The following MARCHF8 variants were observed in gnomAD, a reference collection of about 807,000 sequenced individuals.
MARCHF8 encodes membrane associated ring-CH-type finger 8, also known as E3 ubiquitin-protein ligase MARCHF8.
MARCHF8 carries 40 observed loss-of-function variants against 51.6 expected under a neutral mutation model. The observed-to-expected ratio is 0.77, with a 90% CI of 0.60 to 1.01. The LOEUF (loss-of-function observed/expected upper bound fraction) is 1.01, where lower values mean the gene tolerates loss of function less well. MARCHF8 is among the 50% of genes least tolerant of loss of function. MARCHF8 has a pLI of 0.00. For synonymous variants in MARCHF8, 263 were observed against 280.3 expected (o/e 0.94, Z 0.62); for missense variants, 685 against 708.6 (o/e 0.97, Z 0.38).
chr10:45,471,525 C>G (rs1204290974), intron 3 of MARCHF8, among the ~76,000 whole-genome samples: 8 of 152,218 alleles, frequency 5.3e-5, no homozygotes, highest in Non-Finnish European at 8.8e-5. Flanking sequence ...TTACTTATCA[C>G]TCACAAGGAC....
chr10:45,493,806 G>C (rs35303148), intron 2 of MARCHF8, among the ~76,000 whole-genome samples: 9,359 of 152,114 alleles, frequency 0.062, 328 homozygotes, highest in Non-Finnish European at 0.066. Context: ...ACAGGGTTTT[G>C]CCATGTTGTC....
At chr10:45,465,387 C>A (rs905066526) in intron 3 of MARCHF8, among the ~76,000 whole-genome samples, 1 of 152,210 alleles carries the variant, frequency 6.6e-6, no homozygotes, top group Non-Finnish European at 1.5e-5. Flanking sequence ...TGGCCCTTGG[C>A]CCTAACTCCT....
chr10:45,584,949 A>C (rs996742726), intron 1 of MARCHF8, among the ~76,000 whole-genome samples: 4 of 152,216 alleles, frequency 2.6e-5, no homozygotes, highest in Non-Finnish European at 4.4e-5. Context: ...CAACCATATG[A>C]ACTGAATTCT....
chr10:45,504,275 G>A (rs1007718131), intron 2 of MARCHF8, among the ~76,000 whole-genome samples: 3 of 152,112 alleles, frequency 2.0e-5, no homozygotes, highest in Non-Finnish European at 2.9e-5. Flanking sequence ...TAGAAACCCC[G>A]TCTCTACTAA....
intron 5 of MARCHF8, 28 bp downstream of exon 5, chr10:45,463,123 C>T (rs1485817404): frequency 2.0e-6 from 3 of 1,535,862 alleles, no homozygotes; most frequent in Non-Finnish European, 2.6e-6. Context: ...GCAGAGATGG[C>T]TAGAATGGCA....
intron 3 of MARCHF8, among the ~76,000 whole-genome samples, chr10:45,469,166 A>G (rs1301386969): frequency 6.6e-6 from 1 of 152,052 alleles, no homozygotes; most frequent in Non-Finnish European, 1.5e-5. Context: ...AAGTGAAACA[A>G]GCAGAGAGAG....
intron 3 of MARCHF8, among the ~76,000 whole-genome samples, chr10:45,474,741 A>T (rs1490738227): frequency 6.6e-6 from 1 of 152,182 alleles, no homozygotes; most frequent in African/African-American, 2.4e-5. Flanking sequence ...CAGAGAAGTG[A>T]CAGAAAACAC....
intron 1 of MARCHF8, among the ~76,000 whole-genome samples, chr10:45,572,351 C>A (rs1414236404): frequency 6.6e-6 from 1 of 151,838 alleles, no homozygotes; most frequent in East Asian, 1.9e-4. Context: ...CTATAGGCAA[C>A]CTTCCACCCT....
At chr10:45,560,614 G>C (rs1051328360) in intron 1 of MARCHF8, among the ~76,000 whole-genome samples, 1 of 152,126 alleles carries the variant, frequency 6.6e-6, no homozygotes, top group Non-Finnish European at 1.5e-5. Flanking sequence ...GAGCAGCCCG[G>C]TCCCCTAGCC....
intron 2 of MARCHF8, among the ~76,000 whole-genome samples, chr10:45,507,503 C>T (rs1297955522): frequency 2.6e-5 from 4 of 152,044 alleles, no homozygotes; most frequent in African/African-American, 9.7e-5. Context: ...AGAGGAAGGA[C>T]GACAGGTCAA....
At position 45,464,005 on chromosome 10, in the gene MARCHF8, A is replaced by C; in HGVS notation, c.243-9T>G. On this transcript the variant is annotated splice_polypyrimidine_tract_variant and intron_variant, in intron 4 of 7. Transcript: ENST00000453424. ...AAAACACTGCACTGGAACTGCATGC[A>C]GAACAGTGGGATAAAAGCACAGAAA... The C allele has an allele frequency of 5.3e-6, 8 of 1,523,538 alleles. 1 individual carries two copies. In the Admixed American group the frequency reaches 6.2e-5, roughly 12 times the overall value. 94.4% of individuals were successfully genotyped at this position (1,523,538 alleles called of 1,614,324 possible). A position where few individuals can be genotyped will look rare whatever the true frequency, so the allele number is the denominator to read the frequency against.
At chr10:45,539,760 T>C (rs951283163), upstream of MARCHF8, among the ~76,000 whole-genome samples, 5 of 152,184 alleles carry the variant, frequency 3.3e-5, no homozygotes, top group Non-Finnish European at 7.4e-5. Context: ...GGAAGTCAAA[T>C]TGTTCCTGTT....
At chr10:45,586,742 C>T (rs1435589009) in intron 1 of MARCHF8, among the ~76,000 whole-genome samples, 1 of 151,866 alleles carries the variant, frequency 6.6e-6, no homozygotes, top group Non-Finnish European at 1.5e-5. Context: ...ACTAGAATTT[C>T]AAATACCTTA....
At chr10:45,539,458 T>C (rs2044020333), upstream of MARCHF8, among the ~76,000 whole-genome samples, 1 of 151,950 alleles carries the variant, frequency 6.6e-6, no homozygotes, top group African/African-American at 2.4e-5. Flanking sequence ...AGGCAAGAAA[T>C]AACTAAGAGC....
chr10:45,531,526 G>A (rs937396516), intron 2 of MARCHF8, among the ~76,000 whole-genome samples: 4 of 152,096 alleles, frequency 2.6e-5, no homozygotes, highest in Non-Finnish European at 4.4e-5. Flanking sequence ...GAAAAGGCCA[G>A]AAGGAAAGAA....
At chr10:45,463,085 C>T (rs2132930779) in intron 5 of MARCHF8, 66 bp downstream of exon 5, 19 of 1,478,946 alleles carry the variant, frequency 1.3e-5, no homozygotes, top group Non-Finnish European at 1.7e-5. Flanking sequence ...ACTTCACATA[C>T]TAAAGCAAGA....
At chr10:45,516,081 G>T (rs550500025) in intron 2 of MARCHF8, among the ~76,000 whole-genome samples, 2 of 152,158 alleles carry the variant, frequency 1.3e-5, no homozygotes, top group Non-Finnish European at 2.9e-5. Context: ...CCATGAATGA[G>T]AGGATAAGAG....
intron 3 of MARCHF8, among the ~76,000 whole-genome samples, chr10:45,487,688 G>A (rs192429390): frequency 3.9e-5 from 6 of 152,166 alleles, no homozygotes; most frequent in Admixed American, 2.0e-4. Context: ...AAAATTAAGC[G>A]GAAGAATAAT....
intron 2 of MARCHF8, among the ~76,000 whole-genome samples, chr10:45,498,792 T>TA (rs1423679823): frequency 6.6e-6 from 1 of 152,228 alleles, no homozygotes; most frequent in Non-Finnish European, 1.5e-5. Flanking sequence ...CTTTTCTTTT[T>TA]AAAACAAATG....
Sources: allele counts gnomAD v4.1 joint callset (sites outside exome capture counted in the v4.1 genomes callset), GRCh38; gene constraint gnomAD v4.1.1; transcripts MANE v1.5; gene names NCBI Gene and HGNC (gene_info 2026-07-23, HGNC 2026-07-21).